The following ITGA11 variants were observed in gnomAD, a reference collection of about 807,000 sequenced individuals.
The protein encoded by ITGA11 is integrin subunit alpha 11.
In ITGA11, 97 loss-of-function variants were observed where a neutral mutation model predicts 141.9. The ratio of observed to expected loss-of-function variants is 0.68; its 90% CI spans 0.58 to 0.81. ITGA11 has a LOEUF of 0.81. ITGA11 is among the 30% of genes least tolerant of loss of function. The pLI is 0.00. For missense variants in ITGA11, 1,387 were observed against 1,559.2 expected, an observed-to-expected ratio of 0.89 and a Z score of 1.86; for synonymous variants, 658 against 624.6, an observed-to-expected ratio of 1.05 and a Z score of -0.80.
chr15:68,423,932 T>C (rs2140439830), intron 1 of ITGA11, among the ~76,000 whole-genome samples: 1 of 152,206 alleles, frequency 6.6e-6, no homozygotes, highest in African/African-American at 2.4e-5. Flanking sequence ...GATCACAGGG[T>C]TGGAATGACC....
chr15:68,367,717 A>G (rs975655846), intron 3 of ITGA11, among the ~76,000 whole-genome samples: 4 of 152,174 alleles, frequency 2.6e-5, no homozygotes, highest in African/African-American at 9.7e-5. Flanking sequence ...CTAGGTGCGC[A>G]TTAAAGGTTC....
intron 2 of ITGA11, among the ~76,000 whole-genome samples, chr15:68,401,930 G>A (rs77921207): frequency 0.026 from 3,881 of 152,182 alleles, 149 homozygotes; most frequent in African/African-American, 0.086. Context: ...GGGGTGAGCA[G>A]AGAAGTCAGG....
chr15:68,403,824 G>A (rs770190577), intron 1 of ITGA11, among the ~76,000 whole-genome samples: 5 of 151,920 alleles, frequency 3.3e-5, no homozygotes, highest in Non-Finnish European at 5.9e-5. Context: ...TTTTAGTAGA[G>A]ACAGGGTTTC....
At chr15:68,369,339 A>G in intron 2 of ITGA11, 55 bp from the exon 3 acceptor site, 1 of 961,294 alleles carries the variant, frequency 1.0e-6, no homozygotes, top group East Asian at 5.6e-5. Context: ...CTTTCCTGGC[A>G]GAGGATGGAG....
At chr15:68,340,991 C>G (rs1335255693) in intron 10 of ITGA11, 1 of 152,340 alleles carries the variant, frequency 6.6e-6, no homozygotes, top group Non-Finnish European at 1.5e-5. Flanking sequence ...TCACCACTCT[C>G]TCCCACGGAG....
chr15:68,382,696 TCTTTC>T (rs1895892328), intron 2 of ITGA11, among the ~76,000 whole-genome samples: 1 of 152,366 alleles, frequency 6.6e-6, no homozygotes, highest in African/African-American at 2.4e-5. Flanking sequence ...TCATCTTTCT[TCTTTC>T]CTTTTCCCAT....
In ITGA11 at chr15:68,358,680, CT is replaced by C. The variant is rs1224336733; in HGVS notation, c.473-96del. On this transcript the variant is annotated intron_variant, in intron 5 of 29. Coordinates refer to ENST00000315757, the MANE Select transcript of ITGA11 (RefSeq NM_001004439.2). ...TTGTTCAAAGGACAAATGAATGACT[CT>C]GCTCCATATGTGTAATTCCCTGGGC... is the stretch of plus-strand genomic sequence containing the variant. The C allele has an allele frequency of 3.7e-6, 5 of 1,336,054 alleles. No individual in the cohort carries two copies. In the African/African-American group the frequency reaches 5.9e-5, roughly 16 times the overall value. 82.8% of individuals were successfully genotyped at this position (1,336,054 alleles called of 1,614,324 possible). A position where few individuals can be genotyped will look rare whatever the true frequency, so the allele number is the denominator to read the frequency against.
At chr15:68,342,997 T>TTC (rs6145615) in intron 10 of ITGA11, among the ~76,000 whole-genome samples, 7,864 of 143,750 alleles carry the variant, frequency 0.055, 224 homozygotes, top group East Asian at 0.082. Flanking sequence ...GGGCAAGTTC[T>TTC]TCTCTCTCTC....
Position 68,303,659 on chromosome 15 carries a change from G to A in ITGA11, c.3495+113C>T, listed in dbSNP as rs542834816. The A allele has an allele frequency of 1.0e-4, 70 of 670,304 alleles. No individual in the cohort carries two copies. The highest frequency in any genetic ancestry group is 8.3e-4 in the South Asian group (44 of 52,722). The allele number at this position is 670,304 out of a possible 1,614,324, so 41.5% of individuals were successfully genotyped here. On this transcript the variant is annotated intron_variant, in intron 29 of 29. Coordinates refer to ENST00000315757, the MANE Select transcript of ITGA11 (RefSeq NM_001004439.2). This position sits in a 1 kb window ranked among gnomAD's most constrained non-coding sequence, Gnocchi z 5.3. ...TGTGTCTGCTATGGCGAGGGGTGGG[G>A]TGCCAGCTCCCCTGGAGAGGAGAAC...
intron 21 of ITGA11, among the ~76,000 whole-genome samples, chr15:68,316,329 A>G (rs2140280092): frequency 6.6e-6 from 1 of 152,304 alleles, no homozygotes; most frequent in African/African-American, 2.4e-5. Flanking sequence ...GTGGGGAAAC[A>G]TGCGACCCTC....
At chr15:68,365,547 G>GT (rs1895392213) in intron 3 of ITGA11, 1 of 149,430 alleles carries the variant, frequency 6.7e-6, no homozygotes, top group African/African-American at 2.5e-5. Context: ...AGTGTGTTGG[G>GT]GTGTGTGTGT....
At chr15:68,312,213 C>T (rs954367680) in intron 24 of ITGA11, among the ~76,000 whole-genome samples, 1 of 152,218 alleles carries the variant, frequency 6.6e-6, no homozygotes, top group East Asian at 1.9e-4. Flanking sequence ...TTCCCAGCCT[C>T]CCTTATGGCT....
chr15:68,360,030 G>C (rs1245676103), intron 5 of ITGA11, among the ~76,000 whole-genome samples: 2 of 152,208 alleles, frequency 1.3e-5, no homozygotes, highest in African/African-American at 4.8e-5. Flanking sequence ...CCTGTTGCAG[G>C]CTTTGTGTTT....
chr15:68,346,021 C>T (rs777105666), intron 10 of ITGA11, among the ~76,000 whole-genome samples: 1 of 152,122 alleles, frequency 6.6e-6, no homozygotes, highest in Non-Finnish European at 1.5e-5. Context: ...CAAATGCGAT[C>T]GTTGTCTCTC....
chr15:68,365,477 GT>G, intron 3 of ITGA11: 1 of 299,620 alleles, frequency 3.3e-6, no homozygotes, highest in East Asian at 1.7e-4. Context: ...ATCGCTTAAG[GT>G]TTTACCAGAT....
chr15:68,432,011 C>G lies in ITGA11; in HGVS notation c.52+4G>C. ...GCAAGGGGAGGCAGAGGGTGGGCAC[C>G]TACCTGGCCACAGGCTGAGCGCCCA... On this transcript the variant is annotated splice_donor_region_variant and intron_variant, in intron 1 of 29. Transcript: ENST00000315757. The G allele has an allele frequency of 7.6e-7, 1 of 1,312,514 alleles. No homozygotes were observed. Among genetic ancestry groups the G allele is most frequent in the African/African-American group, 1.5e-5 (1 of 65,044 alleles). The allele number at this position is 1,312,514 out of a possible 1,614,324, so 81.3% of individuals were successfully genotyped here.
At position 68,390,583 on chromosome 15, in the gene ITGA11, A is replaced by C. The variant is rs1469426502; in HGVS notation, c.164+12335T>G. 2.0e-5 allele frequency among the ~76,000 whole-genome samples: 3 copies of C among 152,154 alleles called. No individual in the cohort carries two copies. In the East Asian group the frequency reaches 5.8e-4, roughly 29 times the overall value. On this transcript the variant is annotated intron_variant, in intron 2 of 29. Coordinates refer to ENST00000315757, the MANE Select transcript of ITGA11 (RefSeq NM_001004439.2). The stretch of plus-strand genomic sequence containing the variant: ...CCACAGCCCCAGGAGATGCAGACCA[A>C]GGCACGCAAGCTCTGCCTGAGGTGT...
At chr15:68,405,481 T>C (rs2140416801) in intron 1 of ITGA11, among the ~76,000 whole-genome samples, 1 of 152,258 alleles carries the variant, frequency 6.6e-6, no homozygotes, top group South Asian at 2.1e-4. Flanking sequence ...ATCTCCCACA[T>C]GAATTTAGTG....
At chr15:68,429,617 G>C (rs1447005439) in intron 1 of ITGA11, among the ~76,000 whole-genome samples, 6 of 152,162 alleles carry the variant, frequency 3.9e-5, no homozygotes, top group Non-Finnish European at 5.9e-5. Context: ...CAGTAGACAA[G>C]CTTCCTGGTA....
Sources: allele counts gnomAD v4.1 joint callset (sites outside exome capture counted in the v4.1 genomes callset), GRCh38; gene constraint gnomAD v4.1.1; non-coding constraint Gnocchi (gnomAD v3.1); transcripts MANE v1.5; gene names NCBI Gene and HGNC (gene_info 2026-07-23, HGNC 2026-07-21).